Variants in PTPRN2 observed in about 807,000 individuals in gnomAD.
PTPRN2 encodes the protein receptor-type tyrosine-protein phosphatase N2.
Under a neutral mutation model 118.8 loss-of-function variants are expected in PTPRN2, and 74 were observed. That is an observed-to-expected ratio of 0.62 (90% CI 0.52 to 0.76). The LOEUF (loss-of-function observed/expected upper bound fraction) is 0.76, where lower values mean the gene tolerates loss of function less well. PTPRN2 is among the 30% of genes least tolerant of loss of function. The probability of loss-of-function intolerance (pLI) is 0.00; values close to 1 mark genes in which losing one functional copy is unlikely to be tolerated. For missense variants in PTPRN2, 1,481 were observed against 1,394.4 expected (o/e 1.06, Z -0.99); for synonymous variants, 641 against 608.0 (o/e 1.05, Z -0.80).
chr7:158,471,237 C>T (rs961541533), intron 2 of PTPRN2, among the ~76,000 whole-genome samples: 1 of 152,170 alleles, frequency 6.6e-6, no homozygotes, highest in African/African-American at 2.4e-5. Flanking sequence ...TCTTTGGAGG[C>T]AAAGCCAGCC....
At chr7:157,626,485 G>A (rs1256651506) in intron 14 of PTPRN2, among the ~76,000 whole-genome samples, 2 of 151,970 alleles carry the variant, frequency 1.3e-5, no homozygotes, top group African/African-American at 4.8e-5. Context: ...CCTCCTCCAG[G>A]AGTCCGGTCA....
rs533846959 is a variant in PTPRN2 at position 157,861,081 on chromosome 7, C to T, written c.1788+37592G>A. Among the ~76,000 whole-genome samples, 173 of 152,284 alleles carry T rather than the reference C, an allele frequency of 1.1e-3. No homozygotes were observed. The highest frequency in any genetic ancestry group is 3.4e-3 in the African/African-American group (141 of 41,544). ...TGTGGGGGTTGGAAGAGGAACCCCA[C>T]GGCACAGCGGACACCATGTGGGACC... is the stretch of plus-strand genomic sequence containing the variant. On this transcript the variant is annotated intron_variant, in intron 12 of 22. Transcript: ENST00000389418. This position sits in a 1 kb window ranked among gnomAD's most constrained non-coding sequence, Gnocchi z 5.8.
intron 13 of PTPRN2, among the ~76,000 whole-genome samples, chr7:157,666,355 T>C (rs1796135337): frequency 6.6e-6 from 1 of 151,994 alleles, no homozygotes; most frequent in Admixed American, 6.5e-5. Flanking sequence ...TTATTAAGGA[T>C]AGCATGTCAA....
intron 2 of PTPRN2, among the ~76,000 whole-genome samples, chr7:158,380,600 G>A (rs1277545004): frequency 1.3e-5 from 2 of 152,194 alleles, no homozygotes; most frequent in Non-Finnish European, 2.9e-5. Flanking sequence ...GAGTGTCTGA[G>A]ACTTTTCCAG....
At chr7:157,544,273 C>T (rs569265045) in intron 22 of PTPRN2, among the ~76,000 whole-genome samples, 1 of 152,136 alleles carries the variant, frequency 6.6e-6, no homozygotes, top group Non-Finnish European at 1.5e-5. Flanking sequence ...GATGTGTGAG[C>T]GTGGACTGCG....
At chr7:157,815,774 G>A (rs898981210) in intron 12 of PTPRN2, among the ~76,000 whole-genome samples, 5 of 152,160 alleles carry the variant, frequency 3.3e-5, no homozygotes, top group South Asian at 4.1e-4. Context: ...GCTGGGGCGC[G>A]CGCACATGTG....
chr7:158,029,467 C>A (rs1427244413), intron 11 of PTPRN2: 1 of 152,226 alleles, frequency 6.6e-6, no homozygotes, highest in Non-Finnish European at 1.5e-5. Context: ...TATGGCCATG[C>A]CATTTGGAAA....
chr7:158,330,670 G>A (rs867376865), intron 2 of PTPRN2, among the ~76,000 whole-genome samples: 1 of 105,208 alleles, frequency 9.5e-6, no homozygotes, highest in African/African-American at 3.0e-5. Context: ...CTCACAATAA[G>A]AGCTGAGGCA....
At chr7:158,413,026 C>CCTCAGCTCCAGGGCCCATCCAGTGCCCTT (rs1331470947) in intron 2 of PTPRN2, among the ~76,000 whole-genome samples, 22 of 151,614 alleles carry the variant, frequency 1.5e-4, no homozygotes, top group Admixed American at 8.5e-4. Context: ...CCAGTGGCCT[C>CCTCAGCTCCAGGGCCCATCCAGTGCCCTT]CTCAGCTCCA....
Position 157,833,882 on chromosome 7 carries a change from C to T in PTPRN2, c.1788+64791G>A, listed in dbSNP as rs566758611. On this transcript the variant is annotated intron_variant, in intron 12 of 22. Coordinates refer to ENST00000389418, the MANE Select transcript of PTPRN2 (RefSeq NM_002847.5). ...GCTTTCTGAGTCGAATCGGACAGGA[C>T]GTGGGCAGCTGGCGCTGTTGGTCTC... 6.6e-5 allele frequency among the ~76,000 whole-genome samples: 10 copies of T among 152,366 alleles called. No individual in the cohort carries two copies. In the South Asian group the frequency reaches 1.7e-3, roughly 25 times the overall value.
At chr7:157,905,431 A>G (rs1797717381) in intron 11 of PTPRN2, among the ~76,000 whole-genome samples, 1 of 152,322 alleles carries the variant, frequency 6.6e-6, no homozygotes, top group Admixed American at 6.5e-5. Context: ...TAACAGAGAA[A>G]GCCCGTTTTT....
At chr7:158,017,879 T>C (rs1441624543) in intron 11 of PTPRN2, among the ~76,000 whole-genome samples, 1 of 152,146 alleles carries the variant, frequency 6.6e-6, no homozygotes, top group African/African-American at 2.4e-5. Context: ...GGGGTCCCCT[T>C]CTTTTAATTT....
At chr7:158,136,995 A>G (rs76053113) in intron 7 of PTPRN2, among the ~76,000 whole-genome samples, 1 of 151,818 alleles carries the variant, frequency 6.6e-6, no homozygotes, top group Admixed American at 6.6e-5. Flanking sequence ...GCAAAAAAAA[A>G]CCCCATCGTA....
At chr7:157,836,862 C>CCATCCATCCATCCATCCATT (rs1453386925) in intron 12 of PTPRN2, among the ~76,000 whole-genome samples, 2 of 152,062 alleles carry the variant, frequency 1.3e-5, no homozygotes, top group African/African-American at 4.8e-5. Context: ...ATCCATCCAT[C>CCATCCATCCATCCATCCATT]CATCCATCCC....
chr7:158,209,622 C>G (rs1349256309), intron 3 of PTPRN2, among the ~76,000 whole-genome samples: 1 of 152,196 alleles, frequency 6.6e-6, no homozygotes, highest in Admixed American at 6.5e-5. Flanking sequence ...ATGCCACTTT[C>G]AGCACTGGAC....
chr7:158,478,065 G>C (rs1820389983), intron 2 of PTPRN2, among the ~76,000 whole-genome samples: 1 of 152,242 alleles, frequency 6.6e-6, no homozygotes, highest in South Asian at 2.1e-4. Flanking sequence ...GAAGAGCCAA[G>C]GGGTGGTAGG....
chr7:158,163,449 C>T (rs12698161), intron 6 of PTPRN2, among the ~76,000 whole-genome samples: 95,448 of 147,434 alleles, frequency 0.65, 30,961 homozygotes, highest in East Asian at 0.79. Flanking sequence ...ACGCCTGTAC[C>T]GGGTTCTCAA....
At chr7:158,437,567 C>G (rs529802209) in intron 2 of PTPRN2, among the ~76,000 whole-genome samples, 16 of 152,236 alleles carry the variant, frequency 1.1e-4, no homozygotes, top group Admixed American at 2.0e-4. Flanking sequence ...CAAGGGAGGC[C>G]TGAGACAAGA....
At chr7:158,386,429 C>A (rs28394030) in intron 2 of PTPRN2, among the ~76,000 whole-genome samples, 147 of 149,502 alleles carry the variant, frequency 9.8e-4, no homozygotes, top group African/African-American at 3.3e-3. Flanking sequence ...TCCCATGCCC[C>A]GAGTCCCTCC....
Sources: gnomAD v4.1 joint callset for allele counts (sites outside exome capture counted in the v4.1 genomes callset) on GRCh38, gnomAD v4.1.1 for gene constraint, Gnocchi (gnomAD v3.1) non-coding constraint, MANE v1.5 for transcripts, NCBI Gene and HGNC (gene_info 2026-07-23, HGNC 2026-07-21) for gene names.